SORL1: variants seen among roughly 807,000 people sequenced by gnomAD.
SORL1 encodes sortilin-related receptor.
Under a neutral mutation model 273.7 loss-of-function variants are expected in SORL1, and 127 were observed. The observed-to-expected ratio is 0.46, with a 90% confidence interval of 0.40 to 0.54. SORL1 has a LOEUF of 0.54. SORL1 is among the 20% of genes least tolerant of loss of function. The pLI, the probability that SORL1 is intolerant of heterozygous loss-of-function variation, is 0.00. For synonymous variants in SORL1, 1,031 were observed against 1,067.4 expected (o/e 0.97, Z 0.66); for missense variants, 2,494 against 2,846.1 (o/e 0.88, Z 2.81).
rs199892687 is a variant in SORL1, at chr11:121,618,806, T to G, written c.5637T>G (p.Leu1879=). 9.3e-6 allele frequency: 15 copies of G among 1,614,104 alleles called. No homozygotes were observed. The highest frequency in any genetic ancestry group is 1.3e-5 in the Non-Finnish European group (15 of 1,180,026). Residue 1879 remains leucine, a synonymous_variant, in exon 42 of 48, where the codon CTT becomes CTG. Transcript: ENST00000260197. ...GTATTTTCTATGCCACGTCCTTTCTTGACCTCTATCGCAACCCGAAGAGCT... is the reference window on the plus strand; with the variant it reads ...GTATTTTCTATGCCACGTCCTTTCTGGACCTCTATCGCAACCCGAAGAGCT... ...VYGIFYATSF[L]DLYRNPKSLT... is the part of the protein sequence containing the mutation.
chr11:121,611,312 G>C, intron 39 of SORL1, 154 bp downstream of exon 39: 1 of 551,494 alleles, frequency 1.8e-6, no homozygotes, highest in Non-Finnish European at 3.2e-6. Flanking sequence ...CAGGACTAGG[G>C]TGGTTCCTTC....
At chr11:121,590,464 G>A in intron 30 of SORL1, 1 of 494,610 alleles carries the variant, frequency 2.0e-6, no homozygotes, top group East Asian at 3.7e-5. Flanking sequence ...CTTGGAACTT[G>A]TTAGAAATGT....
At chr11:121,594,872 G>A (rs1412332152) in intron 31 of SORL1, among the ~76,000 whole-genome samples, 1 of 152,174 alleles carries the variant, frequency 6.6e-6, no homozygotes, top group Non-Finnish European at 1.5e-5. Flanking sequence ...CTGAATCTTG[G>A]TTACTTCAGG....
At chr11:121,564,530 A>G (rs943774822) in intron 21 of SORL1, among the ~76,000 whole-genome samples, 4 of 152,128 alleles carry the variant, frequency 2.6e-5, no homozygotes, top group African/African-American at 9.7e-5. Flanking sequence ...GATCCCTGTG[A>G]AAAAAATCAT....
At chr11:121,499,853 G>C (rs1465267335) in intron 6 of SORL1, among the ~76,000 whole-genome samples, 1 of 152,150 alleles carries the variant, frequency 6.6e-6, no homozygotes, top group Admixed American at 6.5e-5. Context: ...TGATTTTAAA[G>C]CTACAGAAAG....
intron 9 of SORL1, among the ~76,000 whole-genome samples, chr11:121,521,064 GAAAA>G (rs34516204): frequency 7.1e-6 from 1 of 141,720 alleles, no homozygotes; most frequent in Admixed American, 7.0e-5. Context: ...AAGCAACTCA[GAAAA>G]AAAAAAAAAA....
Position 121,595,573 on chromosome 11 carries a change from G to C in SORL1, c.4370-50G>C. The C allele has an allele frequency of 6.7e-7, 1 of 1,497,140 alleles. No homozygotes were observed. Among genetic ancestry groups the C allele is most frequent in the African/African-American group, 1.4e-5 (1 of 72,094 alleles). The allele number at this position is 1,497,140 out of a possible 1,614,324, so 92.7% of individuals were successfully genotyped here. A position where few individuals can be genotyped will look rare whatever the true frequency, so the allele number is the denominator to read the frequency against. On this transcript the variant is annotated intron_variant, in intron 31 of 47. Coordinates refer to ENST00000260197, the MANE Select transcript of SORL1 (RefSeq NM_003105.6). This position sits in a 1 kb window ranked among gnomAD's most constrained non-coding sequence, Gnocchi z 5.1. ...GCATATTGATTGGTTGCTGTTATTGGCCAGCTCCCTCAATATTAAAAAGTA... is the reference window on the plus strand; with the variant it reads ...GCATATTGATTGGTTGCTGTTATTGCCCAGCTCCCTCAATATTAAAAAGTA...
intron 11 of SORL1, among the ~76,000 whole-genome samples, chr11:121,523,895 T>C (rs868164627): frequency 1.3e-5 from 2 of 152,344 alleles, no homozygotes; most frequent in Middle Eastern, 3.4e-3. Flanking sequence ...TGCACCATGC[T>C]CACCTTGATA....
At chr11:121,591,232 C>G in intron 31 of SORL1, 76 bp downstream of exon 31, 1 of 1,524,244 alleles carries the variant, frequency 6.6e-7, no homozygotes, top group South Asian at 1.1e-5. Flanking sequence ...GCTCTGGGCA[C>G]AATCCAACCG....
At chr11:121,462,247 C>T (rs1861011292) in intron 1 of SORL1, among the ~76,000 whole-genome samples, 1 of 152,112 alleles carries the variant, frequency 6.6e-6, no homozygotes, top group Admixed American at 6.5e-5. Flanking sequence ...CACATAATTC[C>T]ACTTTCTCCT....
chr11:121,523,111 A>G, intron 11 of SORL1, 122 bp downstream of exon 11: 2 of 697,006 alleles, frequency 2.9e-6, no homozygotes, highest in South Asian at 3.2e-5. Flanking sequence ...AATGCCAGAT[A>G]TGACTATAAA....
At chr11:121,620,480 C>T (rs567938166) in intron 43 of SORL1, among the ~76,000 whole-genome samples, 4 of 152,294 alleles carry the variant, frequency 2.6e-5, no homozygotes, top group African/African-American at 7.2e-5. Context: ...GCTCTTCCCT[C>T]TCTCCTCTCT....
intron 4 of SORL1, 26 bp downstream of exon 4, chr11:121,488,219 G>A: frequency 6.2e-7 from 1 of 1,610,252 alleles, no homozygotes; most frequent in African/African-American, 1.3e-5. Flanking sequence ...GAACCCAGTT[G>A]CATGGGGCTC....
chr11:121,557,220 T>G, intron 18 of SORL1, 94 bp from the exon 19 acceptor site: 1 of 896,600 alleles, frequency 1.1e-6, no homozygotes, highest in East Asian at 2.4e-5. Flanking sequence ...GGAGGGGGCA[T>G]GTCTGTAGCA....
chr11:121,624,333 C>T (rs1337059740), intron 45 of SORL1, among the ~76,000 whole-genome samples: 2 of 152,130 alleles, frequency 1.3e-5, no homozygotes, highest in African/African-American at 4.8e-5. Flanking sequence ...GTGTCAGTAG[C>T]TTTGACACTG....
At chr11:121,476,195 C>T (rs563720262) in intron 2 of SORL1, among the ~76,000 whole-genome samples, 5 of 152,290 alleles carry the variant, frequency 3.3e-5, no homozygotes, top group Non-Finnish European at 5.9e-5. Flanking sequence ...TGAACCTAAC[C>T]GGGACACTAA....
chr11:121,570,003 ATG>A (rs1266357952), intron 22 of SORL1, among the ~76,000 whole-genome samples, 152 bp from the exon 23 acceptor site: 1 of 152,154 alleles, frequency 6.6e-6, no homozygotes, highest in African/African-American at 2.4e-5. Flanking sequence ...AAAAGAACCT[ATG>A]TGAAATATCG....
intron 32 of SORL1, among the ~76,000 whole-genome samples, chr11:121,599,244 T>C (rs773339416): frequency 4.2e-4 from 64 of 152,324 alleles, no homozygotes; most frequent in Non-Finnish European, 7.1e-4. Context: ...TAAATGAATC[T>C]ATATAAATAA....
intron 19 of SORL1, among the ~76,000 whole-genome samples, chr11:121,558,256 A>G (rs17337174): frequency 0.052 from 7,901 of 152,350 alleles, 299 homozygotes; most frequent in Non-Finnish European, 0.07. Context: ...GTGTGAGCAT[A>G]TATAGATTTT....
Sources: allele counts gnomAD v4.1 joint callset (sites outside exome capture counted in the v4.1 genomes callset), GRCh38; gene constraint gnomAD v4.1.1; non-coding constraint Gnocchi (gnomAD v3.1); transcripts MANE v1.5; gene names NCBI Gene and HGNC (gene_info 2026-07-23, HGNC 2026-07-21).